ROBO1: variants seen among roughly 807,000 people sequenced by gnomAD.
ROBO1 encodes the protein roundabout guidance receptor 1.
A neutral mutation model predicts 195.9 loss-of-function variants in ROBO1; 149 were observed. The observed-to-expected ratio is 0.76, with a 90% CI of 0.67 to 0.87. The LOEUF (loss-of-function observed/expected upper bound fraction) is 0.87, where lower values mean the gene tolerates loss of function less well. Among genes scored for constraint, ROBO1 ranks in the 40% least tolerant of loss-of-function variants. The probability of loss-of-function intolerance (pLI) is 0.00; values close to 1 mark genes in which losing one functional copy is unlikely to be tolerated. For missense variants in ROBO1, 1,933 were observed against 2,068.3 expected, an observed-to-expected ratio of 0.93 and a Z score of 1.27; for synonymous variants, 816 against 733.2, an observed-to-expected ratio of 1.11 and a Z score of -1.82.
rs1286052479 is a variant in ROBO1 at position 78,600,283 on chromosome 3, T to C, written c.4771A>G (p.Thr1591Ala). The change falls in exon 30 of 31, where the codon ACT becomes GCT. Residue 1591 changes from threonine (T) to alanine (A), a missense_variant. Coordinates refer to ENST00000464233, the MANE Select transcript of ROBO1 (RefSeq NM_002941.4). ...QEDILPYCRP[T>A]FPTSNNPRDP... Reference sequence around the variant, plus strand: ...CTGGGATTATTTGATGTTGGAAAAGTAGGTCTACAATAAGGTAGAATATCC... The same window carrying C: ...CTGGGATTATTTGATGTTGGAAAAGCAGGTCTACAATAAGGTAGAATATCC... The C allele has an allele frequency of 6.2e-7, 1 of 1,611,564 alleles. No homozygotes were observed. The highest frequency in any genetic ancestry group is 2.2e-5 in the East Asian group (1 of 44,828).
intron 3 of ROBO1, among the ~76,000 whole-genome samples, chr3:78,998,151 C>T (rs2077412230): frequency 6.6e-6 from 1 of 152,090 alleles, no homozygotes; most frequent in Non-Finnish European, 1.5e-5. Context: ...GCAATTGCGA[C>T]GTACTTATCA....
chr3:79,403,086 C>T (rs2037423098), intron 2 of ROBO1, among the ~76,000 whole-genome samples: 2 of 151,814 alleles, frequency 1.3e-5, no homozygotes, highest in African/African-American at 2.4e-5. Context: ...TCTCTTAATC[C>T]ACTTCTCAAA....
intron 2 of ROBO1, among the ~76,000 whole-genome samples, chr3:79,336,446 G>A (rs963559051): frequency 6.6e-6 from 1 of 152,238 alleles, no homozygotes; most frequent in Non-Finnish European, 1.5e-5. Context: ...TTGCTTCAGA[G>A]AGTGCAAACC....
chr3:79,565,167 G>A (rs1943050674), intron 2 of ROBO1, among the ~76,000 whole-genome samples: 1 of 152,018 alleles, frequency 6.6e-6, no homozygotes, highest in Non-Finnish European at 1.5e-5. Context: ...GTAGAAAAAA[G>A]CATTACACAT....
rs181055976 is a variant in ROBO1 at position 78,989,539 on chromosome 3, A to G, written c.173-50612T>C. Among the ~76,000 whole-genome samples the G allele has an allele frequency of 4.4e-3, 665 of 152,304 alleles. 9 individuals are homozygous for G. The highest frequency in any genetic ancestry group is 0.015 in the African/African-American group (643 of 41,574). On this transcript the variant is annotated intron_variant, in intron 3 of 30. Coordinates refer to ENST00000464233, the MANE Select transcript of ROBO1 (RefSeq NM_002941.4). ...TGACGTGGGAGGATCACCTGAGCCC[A>G]GGAGGTAGAGGTTGCAGTGAGCAGA...
intron 3 of ROBO1, among the ~76,000 whole-genome samples, chr3:79,053,838 G>A (rs1319259625): frequency 6.6e-6 from 1 of 152,094 alleles, no homozygotes; most frequent in Non-Finnish European, 1.5e-5. Context: ...AAGTGGATTA[G>A]ATGTGTGGGC....
chr3:78,793,339 G>A (rs914326761), intron 4 of ROBO1, among the ~76,000 whole-genome samples: 3 of 152,090 alleles, frequency 2.0e-5, no homozygotes, highest in Admixed American at 6.6e-5. Flanking sequence ...AAAAGATAGC[G>A]ATATCTGTCA....
intron 8 of ROBO1, among the ~76,000 whole-genome samples, chr3:78,703,203 C>T (rs2081462001): frequency 6.6e-6 from 1 of 151,784 alleles, no homozygotes; most frequent in South Asian, 2.1e-4. Flanking sequence ...AAAAACAAAA[C>T]AAAACAAAAC....
chr3:79,747,856 A>C (rs949284864), intron 1 of ROBO1, among the ~76,000 whole-genome samples: 3 of 152,086 alleles, frequency 2.0e-5, no homozygotes, highest in Non-Finnish European at 4.4e-5. Flanking sequence ...AGGATAAATG[A>C]TCAAATAACA....
chr3:79,434,722 C>G (rs984425683), intron 2 of ROBO1, among the ~76,000 whole-genome samples: 105 of 152,096 alleles, frequency 6.9e-4, no homozygotes, highest in African/African-American at 2.4e-3. Context: ...GGTATATACC[C>G]AAAGGATTAG....
chr3:78,769,013 T>C (rs1487971608), intron 4 of ROBO1, among the ~76,000 whole-genome samples: 1 of 152,136 alleles, frequency 6.6e-6, no homozygotes, highest in East Asian at 1.9e-4. Context: ...GAATGTTCCA[T>C]GGGCTGTTGA....
chr3:79,413,592 T>G (rs2037871949), intron 2 of ROBO1, among the ~76,000 whole-genome samples: 1 of 152,114 alleles, frequency 6.6e-6, no homozygotes, highest in Non-Finnish European at 1.5e-5. Flanking sequence ...AGCTAGAAAT[T>G]GCAATTATTA....
At chr3:78,765,586 T>C (rs1372298047) in intron 4 of ROBO1, among the ~76,000 whole-genome samples, 2 of 151,970 alleles carry the variant, frequency 1.3e-5, no homozygotes, top group Non-Finnish European at 1.5e-5. Flanking sequence ...GGAAACAAAA[T>C]AAAGTATATT....
At chr3:79,553,218 G>T (rs963742894) in intron 2 of ROBO1, among the ~76,000 whole-genome samples, 1 of 151,930 alleles carries the variant, frequency 6.6e-6, no homozygotes, top group African/African-American at 2.4e-5. Flanking sequence ...TTTTTAATTT[G>T]AACAAACTCT....
intron 22 of ROBO1, among the ~76,000 whole-genome samples, chr3:78,639,072 G>A (rs549950437): frequency 6.6e-6 from 1 of 152,192 alleles, no homozygotes; most frequent in African/African-American, 2.4e-5. Flanking sequence ...CTTGAACCCA[G>A]GAGGCGGAGG....
chr3:79,544,008 C>A (rs1942172656), intron 2 of ROBO1, among the ~76,000 whole-genome samples: 1 of 152,008 alleles, frequency 6.6e-6, no homozygotes, highest in East Asian at 1.9e-4. Flanking sequence ...AATTTCACAC[C>A]ATAAAAGTGA....
intron 2 of ROBO1, among the ~76,000 whole-genome samples, chr3:79,353,696 C>T (rs1267569737): frequency 1.3e-5 from 2 of 152,054 alleles, no homozygotes. Flanking sequence ...AATCAGAGGG[C>T]TATGGTGTTG....
At chr3:78,668,417 A>G in intron 12 of ROBO1, 67 bp downstream of exon 12, 2 of 1,590,884 alleles carry the variant, frequency 1.3e-6, no homozygotes, top group Non-Finnish European at 1.7e-6. Flanking sequence ...TTACTTCATC[A>G]ATATCCCAGT....
intron 2 of ROBO1, among the ~76,000 whole-genome samples, chr3:79,579,591 G>T (rs1943596697): frequency 6.6e-6 from 1 of 152,136 alleles, no homozygotes; most frequent in Non-Finnish European, 1.5e-5. Flanking sequence ...ACTGTGTCAT[G>T]GGTTAATTGG....
Sources: allele counts gnomAD v4.1 joint callset (sites outside exome capture counted in the v4.1 genomes callset), GRCh38; gene constraint gnomAD v4.1.1; transcripts MANE v1.5; gene names NCBI Gene and HGNC (gene_info 2026-07-23, HGNC 2026-07-21).